The following CTSB variants were observed in gnomAD, a reference collection of about 807,000 sequenced individuals.
CTSB encodes the protein cathepsin B, also known as APP secretase.
A neutral mutation model predicts 44.3 loss-of-function variants in CTSB; 57 were observed. The observed-to-expected ratio is 1.29, with a 90% confidence interval of 1.04 to 1.60. CTSB has a LOEUF of 1.60. Among genes scored for constraint, CTSB ranks in the 40% most tolerant of loss-of-function variants. The pLI is 0.00. For missense variants in CTSB, 768 were observed against 443.0 expected (o/e 1.73, Z -6.59); for synonymous variants, 320 against 168.0 (o/e 1.91, Z -7.00).
Position 11,847,156 on chromosome 8 carries a change from T to C in CTSB, c.689A>G (p.Tyr230Cys). Reference protein sequence around the residue: ...KQDKHYGYNSYSVSNSEKDIM... With the variant: ...KQDKHYGYNSCSVSNSEKDIM... ...GTCCTTCTCGCTATTGGAGACGCTG[T>C]AGGAATTGTATCCTGGAAAATGAAC... Residue 230 changes from tyrosine (Y) to cysteine (C), a missense_variant, in exon 8 of 10, where the codon TAC (tyrosine) becomes TGC (cysteine). By Grantham distance (194) the Tyr-to-Cys change is radical (BLOSUM62 -2). Transcript: ENST00000353047. 3 of 1,610,584 alleles carry C rather than the reference T, an allele frequency of 1.9e-6. No individual in the cohort carries two copies. Among genetic ancestry groups the C allele is most frequent in the Non-Finnish European group, 2.5e-6 (3 of 1,176,832 alleles).
In CTSB at chr8:11,844,760, T is replaced by TG. The variant is rs1812923301; in HGVS notation, c.*364dup. On this transcript the variant is annotated 3_prime_UTR_variant, in exon 10 of 10. Coordinates refer to ENST00000353047, the MANE Select transcript of CTSB (RefSeq NM_001908.5). ...TGCTTGGAGGTACTGGGGGAACTGA[T>TG]GGGGGAACTTTCATCCTGTTAGGAA... 5.0e-6 allele frequency: 1 copy of TG among 198,244 alleles called. No homozygotes were observed. The highest frequency in any genetic ancestry group is 5.4e-5 in the Admixed American group (1 of 18,370). The allele number at this position is 198,244 out of a possible 1,614,324, so 12.3% of individuals were successfully genotyped here.
chr8:11,844,066 T>C lies in CTSB; in HGVS notation c.*1059A>G, dbSNP rs551360171. 2.0e-5 allele frequency: 3 copies of C among 152,200 alleles called. 1 individual carries two copies. Among genetic ancestry groups the C allele is most frequent in the South Asian group, 4.1e-4 (2 of 4,824 alleles). The allele number at this position is 152,200 out of a possible 1,614,324, so 9.4% of individuals were successfully genotyped here. ...ACAACAAAAAAATAGAGCACAGCTA[T>C]GTTTTGAGTTCTTAAGCAAGGGCAA... On this transcript the variant is annotated 3_prime_UTR_variant, in exon 10 of 10. Coordinates refer to ENST00000353047, the MANE Select transcript of CTSB (RefSeq NM_001908.5).
Position 11,853,201 on chromosome 8 carries a change from G to C in CTSB, c.126+128C>G. 5 of 1,322,488 alleles carry C rather than the reference G, an allele frequency of 3.8e-6. No individual in the cohort carries two copies. The South Asian group carries it at 6.9e-5, about 18-fold the overall frequency. 81.9% of individuals were successfully genotyped at this position (1,322,488 alleles called of 1,614,324 possible). A position where few individuals can be genotyped will look rare whatever the true frequency, so the allele number is the denominator to read the frequency against. On this transcript the variant is annotated intron_variant, in intron 2 of 9. Transcript: ENST00000353047. Reference sequence around the variant, plus strand: ...CAGAGCCGACATGACTCAGGGTCAGGGCCATTTTTCAACAGTCCAGGACAA... The same window carrying C: ...CAGAGCCGACATGACTCAGGGTCAGCGCCATTTTTCAACAGTCCAGGACAA...
At chr8:11,853,569 G>C in intron 1 of CTSB, 90 bp from the exon 2 acceptor site, 2 of 1,323,946 alleles carry the variant, frequency 1.5e-6, no homozygotes, top group South Asian at 2.8e-5. Context: ...CATCAGTGGG[G>C]ACCCCCATGC....
intron 3 of CTSB, 140 bp from the exon 4 acceptor site, chr8:11,851,120 G>A (rs142368728): frequency 7.3e-6 from 3 of 409,478 alleles, no homozygotes; most frequent in South Asian, 3.1e-5. Context: ...GCAGACAGGT[G>A]TCCTTGGTAA....
chr8:11,859,707 GCAGTAAGCTGAGGT>G (rs1011009174), intron 1 of CTSB, among the ~76,000 whole-genome samples: 7 of 137,516 alleles, frequency 5.1e-5, no homozygotes, highest in Non-Finnish European at 1.1e-4. Context: ...AGCGGAGGTT[GCAGTAAGCTGAGGT>G]CACACCACTG....
In CTSB at chr8:11,849,210, G is replaced by C. The variant is rs745425130; in HGVS notation, c.328-46C>G. The C allele has an allele frequency of 1.5e-5, 23 of 1,539,064 alleles. No individual in the cohort carries two copies. The Admixed American group carries it at 3.5e-4, about 24-fold the overall frequency. ...GGGTGAGGCTGCCATGTCCGGGCTG[G>C]GCCCTCTGCAGCAGTCCCCTCAAAG... is the stretch of plus-strand genomic sequence containing the variant. On this transcript the variant is annotated intron_variant, in intron 4 of 9. Transcript: ENST00000353047.
rs116144286 is a variant in CTSB, at chr8:11,848,508, C to A, written c.447-356G>T. On this transcript the variant is annotated intron_variant, in intron 5 of 9. Transcript: ENST00000353047. ...GGTACTTAAAAACACCACCAGTTCT[C>A]TGAAATGAGAATCGCCAGTGATTCC... is the stretch of plus-strand genomic sequence containing the variant. 765 of 387,154 alleles carry A rather than the reference C, an allele frequency of 2.0e-3. 2 individuals are homozygous for A. Among genetic ancestry groups the A allele is most frequent in the African/African-American group, 0.015 (723 of 48,422 alleles). The allele number at this position is 387,154 out of a possible 1,614,324, so 24.0% of individuals were successfully genotyped here.
intron 1 of CTSB, among the ~76,000 whole-genome samples, chr8:11,861,177 G>A (rs971438473): frequency 1.3e-5 from 2 of 152,168 alleles, no homozygotes; most frequent in African/African-American, 2.4e-5. Context: ...CCTGATGAAC[G>A]GGCACCAGAG....
intron 1 of CTSB, among the ~76,000 whole-genome samples, chr8:11,859,180 C>T (rs558683521): frequency 6.6e-6 from 1 of 152,254 alleles, no homozygotes; most frequent in East Asian, 1.9e-4. Context: ...CTCTCCAAAC[C>T]TGCAGAGCAC....
intron 1 of CTSB, among the ~76,000 whole-genome samples, chr8:11,854,420 T>G (rs868816345): frequency 1.3e-5 from 2 of 152,146 alleles, no homozygotes. Context: ...TTAAACTTCA[T>G]TGTTGCTTAA....
rs754566420 is a variant in CTSB, at chr8:11,855,707, CA to C, written c.-25-2229del. ...TGGAACCAGCATAATAGAAAAACTA[CA>C]AATGGCCAACACAGATAAAAATAAG... On this transcript the variant is annotated intron_variant, in intron 1 of 9. Transcript: ENST00000353047. 4.6e-5 allele frequency among the ~76,000 whole-genome samples: 7 copies of C among 152,200 alleles called. No homozygotes were observed. The South Asian group carries it at 1.5e-3, about 32-fold the overall frequency.
chr8:11,861,202 T>C (rs937081705), intron 1 of CTSB, among the ~76,000 whole-genome samples: 1 of 152,212 alleles, frequency 6.6e-6, no homozygotes, highest in Non-Finnish European at 1.5e-5. Flanking sequence ...ATCTGTCCCA[T>C]GGAGCAGGCT....
chr8:11,864,522 CA>C, intron 1 of CTSB: 1 of 151,778 alleles, frequency 6.6e-6, no homozygotes. Context: ...AATGCATGAA[CA>C]AAAAAATGTG....
At chr8:11,856,684 G>A (rs572768955) in intron 1 of CTSB, among the ~76,000 whole-genome samples, 3 of 152,256 alleles carry the variant, frequency 2.0e-5, no homozygotes, top group East Asian at 3.9e-4. Flanking sequence ...CCAATGTTAA[G>A]TGGGGAAAAA....
intron 1 of CTSB, among the ~76,000 whole-genome samples, chr8:11,855,147 C>T (rs1453972376): frequency 3.3e-5 from 5 of 152,136 alleles, no homozygotes; most frequent in African/African-American, 7.2e-5. Context: ...CTCAGCTTCC[C>T]GAGCAGCGGG....
At chr8:11,856,447 C>CTAAA (rs2150424423) in intron 1 of CTSB, among the ~76,000 whole-genome samples, 1 of 151,974 alleles carries the variant, frequency 6.6e-6, no homozygotes, top group South Asian at 2.1e-4. Flanking sequence ...AACCCTGTAT[C>CTAAA]TACTAAATAC....
At chr8:11,846,910 T>TA in intron 8 of CTSB, 142 bp downstream of exon 8, 1 of 651,012 alleles carries the variant, frequency 1.5e-6, no homozygotes, top group East Asian at 2.6e-5. Flanking sequence ...AGTGAGCCTA[T>TA]ATGGAAGGCC....
intron 2 of CTSB, among the ~76,000 whole-genome samples, chr8:11,852,917 C>T (rs1225177009): frequency 6.6e-6 from 1 of 152,196 alleles, no homozygotes; most frequent in African/African-American, 2.4e-5. Flanking sequence ...CCCTCTCCAG[C>T]CCTCAACATG....
Sources: gnomAD v4.1 joint callset for allele counts (sites outside exome capture counted in the v4.1 genomes callset) on GRCh38, gnomAD v4.1.1 for gene constraint, MANE v1.5 for transcripts, NCBI Gene and HGNC (gene_info 2026-07-23, HGNC 2026-07-21) for gene names.